ARL15: variants seen among roughly 807,000 people sequenced by gnomAD.
The protein encoded by ARL15 is ARF like GTPase 15, also known as ADP-ribosylation factor-like protein 15.
A neutral mutation model predicts 25.2 loss-of-function variants in ARL15; 19 were observed. The ratio of observed to expected loss-of-function variants is 0.75; its 90% CI spans 0.53 to 1.10. ARL15 has a LOEUF of 1.10. ARL15 is among the 50% of genes least tolerant of loss of function. The pLI is 0.00. For synonymous variants in ARL15, 94 were observed against 86.8 expected (o/e 1.08, Z -0.46); for missense variants, 220 against 246.0 (o/e 0.89, Z 0.71).
chr5:54,173,185 G>GAAAA (rs551489130), intron 1 of ARL15, among the ~76,000 whole-genome samples: 7 of 121,034 alleles, frequency 5.8e-5, no homozygotes, highest in Non-Finnish European at 1.0e-4. Flanking sequence ...CTCCATCTCA[G>GAAAA]AAAAAAAAAA....
At chr5:54,182,526 G>A (rs1233359343) in intron 1 of ARL15, among the ~76,000 whole-genome samples, 97 of 150,684 alleles carry the variant, frequency 6.4e-4, no homozygotes, top group African/African-American at 2.0e-3. Flanking sequence ...TTTGGTACCA[G>A]TACCATGCTG....
chr5:53,923,523 G>A (rs1189647042), intron 4 of ARL15, among the ~76,000 whole-genome samples: 1 of 152,020 alleles, frequency 6.6e-6, no homozygotes, highest in Non-Finnish European at 1.5e-5. Context: ...AATGCACAAA[G>A]CTTTCTCAAA....
In ARL15 at chr5:54,288,401, A is replaced by C. The variant is rs537474592; in HGVS notation, c.48+22031T>G. 2.0e-5 allele frequency among the ~76,000 whole-genome samples: 3 copies of C among 152,318 alleles called. No homozygotes were observed. In the East Asian group the frequency reaches 5.8e-4, roughly 29 times the overall value. On this transcript the variant is annotated intron_variant, in intron 1 of 4. Coordinates refer to ENST00000504924, the MANE Select transcript of ARL15 (RefSeq NM_019087.3). ...GCTCTGGCACTAATTTTGGACCATAAGCTTAAAGTCTACATATAGTGGGCA... is the reference window on the plus strand; with the variant it reads ...GCTCTGGCACTAATTTTGGACCATACGCTTAAAGTCTACATATAGTGGGCA...
chr5:54,104,013 C>G (rs1752515728), intron 4 of ARL15, among the ~76,000 whole-genome samples: 1 of 152,166 alleles, frequency 6.6e-6, no homozygotes. Context: ...GCTGTGATTA[C>G]TGGTCAAAAC....
chr5:54,265,041 A>G (rs958343212), intron 1 of ARL15, among the ~76,000 whole-genome samples: 29 of 152,160 alleles, frequency 1.9e-4, no homozygotes, highest in African/African-American at 7.0e-4. Flanking sequence ...CACTGACTGA[A>G]TGAATGGACT....
At chr5:54,049,325 G>GCC (rs2111980417) in intron 4 of ARL15, among the ~76,000 whole-genome samples, 1 of 149,282 alleles carries the variant, frequency 6.7e-6, no homozygotes, top group East Asian at 2.1e-4. Flanking sequence ...TTCAAAATCT[G>GCC]TGACTCAGGC....
At chr5:54,235,404 C>T (rs773213949) in intron 1 of ARL15, among the ~76,000 whole-genome samples, 13 of 151,844 alleles carry the variant, frequency 8.6e-5, no homozygotes, top group Admixed American at 5.2e-4. Context: ...CACAGAATAA[C>T]GGGTGGCATG....
At chr5:54,080,640 T>C (rs2112108003) in intron 4 of ARL15, among the ~76,000 whole-genome samples, 1 of 152,278 alleles carries the variant, frequency 6.6e-6, no homozygotes, top group Admixed American at 6.5e-5. Flanking sequence ...AAATTTCTAA[T>C]AATATTCATA....
chr5:54,143,389 A>T (rs1027927579), intron 3 of ARL15, among the ~76,000 whole-genome samples: 16 of 151,792 alleles, frequency 1.1e-4, no homozygotes, highest in Non-Finnish European at 2.2e-4. Context: ...ATTTCATCTC[A>T]TATTACTTTA....
At chr5:54,221,852 C>T (rs1031362557) in intron 1 of ARL15, among the ~76,000 whole-genome samples, 2 of 151,694 alleles carry the variant, frequency 1.3e-5, no homozygotes, top group African/African-American at 4.9e-5. Context: ...CACACACACA[C>T]ACACACACAC....
chr5:54,125,949 AC>A (rs1753239040), intron 3 of ARL15, among the ~76,000 whole-genome samples: 1 of 152,138 alleles, frequency 6.6e-6, no homozygotes, highest in African/African-American at 2.4e-5. Flanking sequence ...TTCTCAAAAT[AC>A]TTCTTAAAAA....
At chr5:54,106,516 TGGA>T (rs1752594009) in intron 4 of ARL15, among the ~76,000 whole-genome samples, 1 of 152,156 alleles carries the variant, frequency 6.6e-6, no homozygotes, top group South Asian at 2.1e-4. Context: ...TGATATCAAA[TGGA>T]GGAGTATTAT....
chr5:54,000,484 A>T (rs1231271725), intron 4 of ARL15, among the ~76,000 whole-genome samples: 1 of 152,206 alleles, frequency 6.6e-6, no homozygotes, highest in East Asian at 1.9e-4. Context: ...CTGAGGAAAA[A>T]GGAGAGAATG....
At chr5:54,291,888 C>T (rs1758326828) in intron 1 of ARL15, among the ~76,000 whole-genome samples, 3 of 152,214 alleles carry the variant, frequency 2.0e-5, no homozygotes, top group South Asian at 2.1e-4. Flanking sequence ...CTTAACTGGG[C>T]TCCCCTGGGG....
At chr5:54,203,723 A>G (rs1376481648) in intron 1 of ARL15, among the ~76,000 whole-genome samples, 3 of 152,206 alleles carry the variant, frequency 2.0e-5, no homozygotes, top group Non-Finnish European at 4.4e-5. Context: ...ACCATCAGCT[A>G]GTACTATTCC....
intron 4 of ARL15, among the ~76,000 whole-genome samples, chr5:54,108,444 C>G (rs944441866): frequency 1.3e-5 from 2 of 152,108 alleles, no homozygotes; most frequent in East Asian, 3.8e-4. Flanking sequence ...GGTCAAGATA[C>G]TTGGAAAACT....
chr5:53,910,194 G>A lies in ARL15; in HGVS notation c.463-23481C>T, dbSNP rs144099404. Among the ~76,000 whole-genome samples the A allele has an allele frequency of 3.8e-3, 581 of 152,184 alleles. 4 individuals are homozygous for A. Among genetic ancestry groups the A allele is most frequent in the African/African-American group, 0.013 (549 of 41,522 alleles). On this transcript the variant is annotated intron_variant, in intron 4 of 4. Coordinates refer to ENST00000504924, the MANE Select transcript of ARL15 (RefSeq NM_019087.3). Reference sequence around the variant, plus strand: ...TTAGTGGTACCAGCTCTTCAGGCCCGGACAGGAAATGAAATCTCCAACTCC... The same window carrying A: ...TTAGTGGTACCAGCTCTTCAGGCCCAGACAGGAAATGAAATCTCCAACTCC...
intron 1 of ARL15, among the ~76,000 whole-genome samples, chr5:54,216,490 T>C (rs1354770957): frequency 6.6e-6 from 1 of 152,210 alleles, no homozygotes; most frequent in African/African-American, 2.4e-5. Context: ...TACTTATCTC[T>C]GTTTGCTGGG....
intron 1 of ARL15, among the ~76,000 whole-genome samples, chr5:54,289,863 A>G (rs1405286918): frequency 6.6e-6 from 1 of 152,224 alleles, no homozygotes; most frequent in Non-Finnish European, 1.5e-5. Flanking sequence ...TATAATGTAT[A>G]TTTTAATTGA....
Sources: allele counts gnomAD v4.1 joint callset (sites outside exome capture counted in the v4.1 genomes callset), GRCh38; gene constraint gnomAD v4.1.1; transcripts MANE v1.5; gene names NCBI Gene and HGNC (gene_info 2026-07-23, HGNC 2026-07-21).